SYTL5: variants seen among roughly 807,000 people sequenced by gnomAD.
SYTL5 encodes the protein synaptotagmin-like protein 5.
A neutral mutation model predicts 55.9 loss-of-function variants in SYTL5; 34 were observed. That is an observed-to-expected ratio of 0.61 (90% CI 0.46 to 0.81). SYTL5 has a LOEUF of 0.81. Among genes scored for constraint, SYTL5 ranks in the 30% least tolerant of loss-of-function variants. SYTL5 has a pLI of 0.00. For synonymous variants in SYTL5, 221 were observed against 188.7 expected (o/e 1.17, Z -1.40); for missense variants, 637 against 546.7 (o/e 1.17, Z -1.65).
At chrX:37,962,139 A>G in the SYTL5 span, among the ~76,000 whole-genome samples, 1 of 109,986 alleles carries the variant, frequency 9.1e-6, no homozygotes, top group Non-Finnish European at 1.9e-5. Context: ...TTTGTTACAT[A>G]TGTATACATG....
At chrX:37,945,438 C>T in the SYTL5 span, among the ~76,000 whole-genome samples, 1 of 111,428 alleles carries the variant, frequency 9.0e-6, no homozygotes, top group Non-Finnish European at 1.9e-5. Flanking sequence ...TCTCCATGAA[C>T]AGCGCCCAAA....
intron 1 of SYTL5, 95 bp downstream of exon 1, chrX:38,006,763 C>G (rs752593602): frequency 8.1e-5 from 9 of 111,097 alleles, no homozygotes; most frequent in Non-Finnish European, 1.5e-4. Flanking sequence ...ATTTGCTGGT[C>G]AGGAAGAAAA....
the SYTL5 span, among the ~76,000 whole-genome samples, chrX:37,987,181 CTTAAAATAACAT>C: frequency 8.9e-6 from 1 of 111,904 alleles, no homozygotes; most frequent in African/African-American, 3.3e-5. Context: ...AAATTACATC[CTTAAAATAACAT>C]TTAAAATAAC....
chrX:37,986,938 T>C, the SYTL5 span, among the ~76,000 whole-genome samples: 1 of 112,004 alleles, frequency 8.9e-6, no homozygotes, highest in Non-Finnish European at 1.9e-5. Context: ...TACATATGTA[T>C]ACATGCGCCA....
the SYTL5 span, among the ~76,000 whole-genome samples, chrX:37,895,806 T>C: frequency 9.0e-5 from 10 of 111,541 alleles, no homozygotes; most frequent in South Asian, 3.8e-3. Flanking sequence ...TCATTGTCTA[T>C]ATCAATATTA....
chrX:37,995,913 G>A, the SYTL5 span, among the ~76,000 whole-genome samples: 2 of 112,479 alleles, frequency 1.8e-5, no homozygotes, highest in East Asian at 2.8e-4. Context: ...TTCAAGGCAG[G>A]AGAAGCCATA....
chrX:37,974,245 T>A, the SYTL5 span, among the ~76,000 whole-genome samples: 16 of 112,399 alleles, frequency 1.4e-4, no homozygotes, highest in South Asian at 5.5e-3. Flanking sequence ...ATGAAATATA[T>A]TCTGTCATAA....
chrX:37,985,592 C>G, the SYTL5 span, among the ~76,000 whole-genome samples: 1 of 109,618 alleles, frequency 9.1e-6, no homozygotes, highest in African/African-American at 3.3e-5. Context: ...GTCAGATTGG[C>G]AATATTCCCC....
intron 2 of SYTL5, among the ~76,000 whole-genome samples, chrX:38,037,094 G>A (rs762033666): frequency 5.4e-5 from 6 of 111,714 alleles, no homozygotes; most frequent in Admixed American, 1.9e-4. Flanking sequence ...GGTGACTGGA[G>A]TTTCCCATAG....
rs1029692851 is a variant in SYTL5, at chrX:38,076,806, A to G, written c.689+105A>G. 17 of 832,749 alleles carry G rather than the reference A, an allele frequency of 2.0e-5. No homozygotes were observed. In the Admixed American group the frequency reaches 4.7e-4, roughly 23 times the overall value. The allele number at this position is 832,749 out of a possible 1,213,427, so 68.6% of individuals were successfully genotyped here. On this transcript the variant is annotated intron_variant, in intron 6 of 16. Transcript: ENST00000297875. ...ATCTGTGAAATATTACCACTTGGAG[A>G]ACTCCTAACACATAATGTGAAAATT... is the stretch of plus-strand genomic sequence containing the variant.
chrX:38,054,352 A>T lies in SYTL5; in HGVS notation c.259A>T (p.Arg87Trp), dbSNP rs1935712684. 1.7e-6 allele frequency: 2 copies of T among 1,211,371 alleles called. No homozygotes were observed. The highest frequency in any genetic ancestry group is 4.3e-5 in the Admixed American group (2 of 45,987). ...AGACCCTTGTCAGGCTTGCTCACTG[A>T]GGGTATGCAGGGAGTGTCGAGTTGC... ...RGDPCQACSL[R>W]VCRECRVAGP... is the part of the protein sequence containing the mutation. Residue 87 changes from arginine (R) to tryptophan (W), a missense_variant, in exon 3 of 17, where the codon AGG becomes TGG. Coordinates refer to ENST00000297875, the MANE Select transcript of SYTL5 (RefSeq NM_138780.3).
chrX:37,893,859 T>C, the SYTL5 span, among the ~76,000 whole-genome samples: 1 of 104,049 alleles, frequency 9.6e-6, no homozygotes, highest in Non-Finnish European at 2.0e-5. Flanking sequence ...ATGTTAATCT[T>C]AATTGCTTGA....
the SYTL5 span, among the ~76,000 whole-genome samples, chrX:37,923,864 C>T: frequency 3.6e-5 from 4 of 111,390 alleles, no homozygotes; most frequent in African/African-American, 1.3e-4. Flanking sequence ...AGACTTTTCC[C>T]TAGTGTGTTG....
chrX:37,925,728 C>A, the SYTL5 span, among the ~76,000 whole-genome samples: 1 of 110,791 alleles, frequency 9.0e-6, no homozygotes, highest in Admixed American at 9.6e-5. Context: ...GCACTGAACC[C>A]AATGTGTAGT....
At chrX:38,059,373 A>G (rs930719946) in intron 3 of SYTL5, among the ~76,000 whole-genome samples, 1 of 111,778 alleles carries the variant, frequency 8.9e-6, no homozygotes, top group African/African-American at 3.2e-5. Context: ...GTAGGACTTA[A>G]TGAGACTCTG....
In SYTL5 at chrX:38,125,238, A is replaced by G. The variant is rs757283697; in HGVS notation, c.1842-60A>G. 7 of 1,015,927 alleles carry G rather than the reference A, an allele frequency of 6.9e-6. No homozygotes were observed. In the African/African-American group the frequency reaches 1.1e-4, roughly 16 times the overall value. 83.7% of individuals were successfully genotyped at this position (1,015,927 alleles called of 1,213,427 possible). A position where few individuals can be genotyped will look rare whatever the true frequency, so the allele number is the denominator to read the frequency against. On this transcript the variant is annotated intron_variant, in intron 15 of 16. Coordinates refer to ENST00000297875, the MANE Select transcript of SYTL5 (RefSeq NM_138780.3). The stretch of plus-strand genomic sequence containing the variant: ...TCAAATAGACACATCACACTTGTGT[A>G]CACGCTGACATTTTCTGTCTGCTGT...
intron 3 of SYTL5, among the ~76,000 whole-genome samples, chrX:38,059,786 A>G (rs961993733): frequency 8.9e-6 from 1 of 111,832 alleles, no homozygotes; most frequent in African/African-American, 3.2e-5. Flanking sequence ...AGAGCAATGA[A>G]GAAGAAAATT....
At chrX:37,969,858 T>C in the SYTL5 span, among the ~76,000 whole-genome samples, 1 of 111,888 alleles carries the variant, frequency 8.9e-6, no homozygotes, top group African/African-American at 3.3e-5. Flanking sequence ...GGTCTCAAAC[T>C]CCTGACCTCA....
rs775193294 is a variant in SYTL5 at position 38,127,984 on chromosome X, A to T, written c.*1254A>T. The T allele has an allele frequency of 2.7e-5, 3 of 112,279 alleles. No individual in the cohort carries two copies. The East Asian group carries it at 8.4e-4, about 32-fold the overall frequency. The allele number at this position is 112,279 out of a possible 1,213,427, so 9.3% of individuals were successfully genotyped here. A position where few individuals can be genotyped will look rare whatever the true frequency, so the allele number is the denominator to read the frequency against. ...AGGAAGTCAGAGGGCCAAGATGAAGAGGCAGGGAAATATGCACTGCCCACA... is the reference window on the plus strand; with the variant it reads ...AGGAAGTCAGAGGGCCAAGATGAAGTGGCAGGGAAATATGCACTGCCCACA... On this transcript the variant is annotated 3_prime_UTR_variant, in exon 17 of 17. Coordinates refer to ENST00000297875, the MANE Select transcript of SYTL5 (RefSeq NM_138780.3).
Sources: allele counts gnomAD v4.1 joint callset (sites outside exome capture counted in the v4.1 genomes callset), GRCh38; gene constraint gnomAD v4.1.1; transcripts MANE v1.5; gene names NCBI Gene and HGNC (gene_info 2026-07-23, HGNC 2026-07-21).